MICU1: variants seen among roughly 807,000 people sequenced by gnomAD.
The protein encoded by MICU1 is calcium uptake protein 1, mitochondrial.
Under a neutral mutation model 56.8 loss-of-function variants are expected in MICU1, and 45 were observed. The observed-to-expected ratio is 0.79, with a 90% CI of 0.62 to 1.02. MICU1 has a LOEUF of 1.02. Ranked by LOEUF, MICU1 falls within the 50% of genes least tolerant of loss-of-function variation. MICU1 has a pLI of 0.00. For synonymous variants in MICU1, 186 were observed against 195.1 expected (o/e 0.95, Z 0.39); for missense variants, 504 against 587.1 (o/e 0.86, Z 1.46).
chr10:72,623,526 G>A (rs1842161002), intron 1 of MICU1, among the ~76,000 whole-genome samples: 1 of 152,086 alleles, frequency 6.6e-6, no homozygotes, highest in African/African-American at 2.4e-5. Flanking sequence ...AGGATCGCTT[G>A]AGTCTGGGAG....
chr10:72,424,376 G>T (rs996301014), intron 8 of MICU1, among the ~76,000 whole-genome samples: 5 of 152,152 alleles, frequency 3.3e-5, no homozygotes, highest in African/African-American at 1.2e-4. Flanking sequence ...GCCTCCCAAA[G>T]TGCTGGTATT....
Position 72,540,732 on chromosome 10 carries a change from T to A in MICU1, c.494-6943A>T, listed in dbSNP as rs186597462. 1.6e-3 allele frequency among the ~76,000 whole-genome samples: 240 copies of A among 152,340 alleles called. 2 individuals carry two copies. The highest frequency in any genetic ancestry group is 5.3e-3 in the African/African-American group (221 of 41,578). On this transcript the variant is annotated intron_variant, in intron 4 of 11. Transcript: ENST00000361114. Reference sequence around the variant, plus strand: ...GATTAGATTACTGATCTCAAATATTTACTTCCTTCCCACTGACCTCTATGG... The same window carrying A: ...GATTAGATTACTGATCTCAAATATTAACTTCCTTCCCACTGACCTCTATGG...
At chr10:72,575,315 C>T (rs1840713069) in intron 1 of MICU1, among the ~76,000 whole-genome samples, 1 of 152,154 alleles carries the variant, frequency 6.6e-6, no homozygotes, top group African/African-American at 2.4e-5. Flanking sequence ...GTAACTTTCA[C>T]AAATATTTGT....
intron 1 of MICU1, among the ~76,000 whole-genome samples, chr10:72,600,648 C>CAAAAA (rs71021514): frequency 3.0e-4 from 32 of 105,588 alleles, no homozygotes; most frequent in African/African-American, 9.9e-4. Flanking sequence ...GACTCCGTCT[C>CAAAAA]AAAAAAAAAA....
In MICU1 at chr10:72,477,877, C is replaced by CT. The variant is rs796702214; in HGVS notation, c.653-622dup. On this transcript the variant is annotated intron_variant, in intron 6 of 11. Coordinates refer to ENST00000361114, the MANE Select transcript of MICU1 (RefSeq NM_001195518.2). ...GGTACTCAGCCCCCTATTTTTTTTT[C>CT]TTTTTTTTTTTGAGACAGTTTCACT... 2.7e-3 allele frequency among the ~76,000 whole-genome samples: 372 copies of CT among 137,208 alleles called. 3 individuals carry two copies. The highest frequency in any genetic ancestry group is 0.013 in the East Asian group (61 of 4,638). The allele number at this position is 137,208 out of a possible 152,430, so 90.0% of individuals were successfully genotyped here.
At position 72,367,473 on chromosome 10, in the gene MICU1, G is replaced by A. The variant is rs1862185528; in HGVS notation, c.*722C>T. On this transcript the variant is annotated 3_prime_UTR_variant, in exon 12 of 12. Coordinates refer to ENST00000361114, the MANE Select transcript of MICU1 (RefSeq NM_001195518.2). ...CCTGGAGAGGAAATGGCACTTGCAG[G>A]GAACATGAGCTCAATCACTATTGCT... The A allele has an allele frequency of 6.6e-6, 1 of 152,382 alleles. No individual in the cohort carries two copies. The highest frequency in any genetic ancestry group is 1.5e-5 in the Non-Finnish European group (1 of 68,078). The allele number at this position is 152,382 out of a possible 1,614,324, so 9.4% of individuals were successfully genotyped here. A position where few individuals can be genotyped will look rare whatever the true frequency, so the allele number is the denominator to read the frequency against.
intron 1 of MICU1, among the ~76,000 whole-genome samples, chr10:72,593,479 G>A (rs551874021): frequency 4.6e-5 from 7 of 150,780 alleles, no homozygotes; most frequent in Non-Finnish European, 8.8e-5. Flanking sequence ...AGCCAAGATC[G>A]TGCTACTGTA....
Position 72,620,406 on chromosome 10 carries a change from G to A in MICU1, c.-2+5604C>T, listed in dbSNP as rs547767628. On this transcript the variant is annotated intron_variant, in intron 1 of 11. Transcript: ENST00000361114. Reference sequence around the variant, plus strand: ...TCACCACGTTGCCCAGGCTGGTTTCGAACTCCTGACCTCAAGTGATTCTCC... The same window carrying A: ...TCACCACGTTGCCCAGGCTGGTTTCAAACTCCTGACCTCAAGTGATTCTCC... 1.3e-3 allele frequency among the ~76,000 whole-genome samples: 199 copies of A among 152,108 alleles called. 1 individual carries two copies. Among genetic ancestry groups the A allele is most frequent in the African/African-American group, 4.0e-3 (165 of 41,492 alleles).
chr10:72,524,373 G>T (rs1292164413), intron 5 of MICU1, among the ~76,000 whole-genome samples: 4 of 152,134 alleles, frequency 2.6e-5, no homozygotes, highest in African/African-American at 7.2e-5. Context: ...AAAGTGCTGG[G>T]ATTACAAGCA....
intron 1 of MICU1, among the ~76,000 whole-genome samples, chr10:72,607,906 A>G (rs1841736388): frequency 6.6e-6 from 1 of 152,144 alleles, no homozygotes; most frequent in African/African-American, 2.4e-5. Flanking sequence ...GAATTGTAGG[A>G]CATTCAACTA....
At chr10:72,597,814 T>C (rs1020699212) in intron 1 of MICU1, among the ~76,000 whole-genome samples, 4 of 152,186 alleles carry the variant, frequency 2.6e-5, no homozygotes, top group African/African-American at 7.2e-5. Flanking sequence ...TGGTCTCCTT[T>C]CCCTTGGGGC....
intron 1 of MICU1, among the ~76,000 whole-genome samples, chr10:72,569,336 G>GC (rs2132482145): frequency 6.8e-6 from 1 of 146,130 alleles, no homozygotes; most frequent in East Asian, 2.1e-4. Context: ...TCGGATTCAA[G>GC]CAATTCTCCT....
chr10:72,576,722 AG>A (rs1840757005), intron 1 of MICU1, among the ~76,000 whole-genome samples: 1 of 152,230 alleles, frequency 6.6e-6, no homozygotes, highest in East Asian at 1.9e-4. Context: ...ACTAGGAAGA[AG>A]ATGCCATCTA....
chr10:72,524,077 C>G (rs1340256599), intron 5 of MICU1: 3 of 908,936 alleles, frequency 3.3e-6, no homozygotes, highest in Middle Eastern at 7.8e-4. Context: ...GTTGTCTCAT[C>G]AGTCCTGTTA....
chr10:72,538,557 C>A (rs557856097), intron 4 of MICU1, among the ~76,000 whole-genome samples: 3 of 151,872 alleles, frequency 2.0e-5, no homozygotes, highest in Non-Finnish European at 4.4e-5. Flanking sequence ...GTAAGCCTCA[C>A]GGTAGCCACA....
intron 8 of MICU1, among the ~76,000 whole-genome samples, chr10:72,447,533 T>C (rs1865142606): frequency 6.6e-6 from 1 of 152,030 alleles, no homozygotes. Context: ...AAAGAAAACC[T>C]AGGTAAGCAA....
intron 6 of MICU1, among the ~76,000 whole-genome samples, chr10:72,501,224 T>C (rs191793850): frequency 6.6e-6 from 1 of 152,188 alleles, no homozygotes; most frequent in Non-Finnish European, 1.5e-5. Context: ...TTTAAAGCAA[T>C]AGAATGTATG....
chr10:72,569,235 A>ATTTTTTT lies in MICU1; in HGVS notation c.-1-2442_-1-2441insAAAAAAA, dbSNP rs1245936809. On this transcript the variant is annotated intron_variant, in intron 1 of 11. Coordinates refer to ENST00000361114, the MANE Select transcript of MICU1 (RefSeq NM_001195518.2). ...TATATATATATATATATATATATAT[A>ATTTTTTT]TATTTTTTTTTTTTTTTGAGATGGC... is the stretch of plus-strand genomic sequence containing the variant. Among the ~76,000 whole-genome samples the ATTTTTTT allele has an allele frequency of 4.0e-3, 170 of 42,552 alleles. 3 individuals carry two copies. The highest frequency in any genetic ancestry group is 5.0e-3 in the Non-Finnish European group (115 of 22,992). 27.9% of individuals were successfully genotyped at this position (42,552 alleles called of 152,430 possible). A position where few individuals can be genotyped will look rare whatever the true frequency, so the allele number is the denominator to read the frequency against.
intron 8 of MICU1, chr10:72,473,070 A>G (rs1201509277): frequency 6.6e-6 from 1 of 152,206 alleles, no homozygotes; most frequent in South Asian, 2.1e-4. Context: ...ACTGCACTCC[A>G]GCTCAGGAGA....
Sources: gnomAD v4.1 joint callset for allele counts (sites outside exome capture counted in the v4.1 genomes callset) on GRCh38, gnomAD v4.1.1 for gene constraint, MANE v1.5 for transcripts, NCBI Gene and HGNC (gene_info 2026-07-23, HGNC 2026-07-21) for gene names.